Variants in RALGPS1 observed in about 807,000 individuals in gnomAD.
RALGPS1 encodes the protein ras-specific guanine nucleotide-releasing factor RalGPS1.
RALGPS1 carries 19 observed loss-of-function variants against 78.8 expected under a neutral mutation model. That is an observed-to-expected ratio of 0.24 (90% CI 0.17 to 0.35). The LOEUF (loss-of-function observed/expected upper bound fraction) is 0.35. Ranked by LOEUF, RALGPS1 falls within the 10% of genes least tolerant of loss-of-function variation. The probability of loss-of-function intolerance (pLI) is 1.00; values close to 1 mark genes in which losing one functional copy is unlikely to be tolerated. For synonymous variants in RALGPS1, 228 were observed against 256.3 expected (o/e 0.89, Z 1.06); for missense variants, 454 against 688.3 (o/e 0.66, Z 3.81).
At chr9:127,145,684 G>A (rs959838033) in intron 8 of RALGPS1, among the ~76,000 whole-genome samples, 2 of 152,182 alleles carry the variant, frequency 1.3e-5, no homozygotes, top group Non-Finnish European at 2.9e-5. Context: ...TAGAGGTAGA[G>A]CCCCAGAAGA....
chr9:126,989,930 A>G, intron 4 of RALGPS1: 1 of 1,550,530 alleles, frequency 6.4e-7, no homozygotes, highest in Non-Finnish European at 8.7e-7. Context: ...TCCCTGCAGA[A>G]GTCCACAGTT....
intron 8 of RALGPS1, chr9:127,108,221 G>C: frequency 3.7e-6 from 6 of 1,614,112 alleles, no homozygotes; most frequent in Non-Finnish European, 5.1e-6. Context: ...CTGGCCAGCT[G>C]CAGCATGTCG....
At chr9:126,940,403 C>G (rs1010091961) in intron 1 of RALGPS1, among the ~76,000 whole-genome samples, 1 of 151,768 alleles carries the variant, frequency 6.6e-6, no homozygotes, top group Non-Finnish European at 1.5e-5. Flanking sequence ...TACTTTTCTT[C>G]AGTCCCTGTC....
chr9:127,057,517 A>G (rs1418541235), intron 7 of RALGPS1, among the ~76,000 whole-genome samples: 1 of 152,224 alleles, frequency 6.6e-6, no homozygotes, highest in Non-Finnish European at 1.5e-5. Context: ...GACACTGAAC[A>G]TAGGCCTGTA....
intron 14 of RALGPS1, among the ~76,000 whole-genome samples, chr9:127,204,255 C>T (rs939299822): frequency 6.6e-6 from 1 of 152,148 alleles, no homozygotes; most frequent in Non-Finnish European, 1.5e-5. Context: ...CAGCCTTGAT[C>T]TCCCAGGCTC....
chr9:127,144,477 G>C (rs1259153771), intron 8 of RALGPS1, among the ~76,000 whole-genome samples: 2 of 152,190 alleles, frequency 1.3e-5, no homozygotes, highest in Non-Finnish European at 1.5e-5. Flanking sequence ...AAATCATGTA[G>C]TGTGACCCAG....
rs746115852 is a variant in RALGPS1 at position 127,220,076 on chromosome 9, A to C, written c.*1307A>C. The C allele has an allele frequency of 6.6e-6, 1 of 152,656 alleles. No homozygotes were observed. Among genetic ancestry groups the C allele is most frequent in the Non-Finnish European group, 1.5e-5 (1 of 68,050 alleles). The allele number at this position is 152,656 out of a possible 1,614,324, so 9.5% of individuals were successfully genotyped here. On this transcript the variant is annotated 3_prime_UTR_variant, in exon 19 of 19. Coordinates refer to ENST00000259351, the MANE Select transcript of RALGPS1 (RefSeq NM_014636.3). ...AAGTGACTTTTATTTTGCACAAATA[A>C]TTTTTATTCAGAATAATAAATCACT...
chr9:127,200,916 G>A (rs2061597248), intron 14 of RALGPS1, among the ~76,000 whole-genome samples: 1 of 152,244 alleles, frequency 6.6e-6, no homozygotes, highest in Non-Finnish European at 1.5e-5. Context: ...TTCATTGATT[G>A]ATTCATTCTT....
At chr9:126,967,262 C>A (rs967442058) in intron 3 of RALGPS1, among the ~76,000 whole-genome samples, 1 of 152,178 alleles carries the variant, frequency 6.6e-6, no homozygotes, top group Admixed American at 6.5e-5. Flanking sequence ...CCTCCTGAGG[C>A]CTCCAGTACT....
intron 4 of RALGPS1, among the ~76,000 whole-genome samples, chr9:126,986,703 G>A (rs1053520773): frequency 6.6e-6 from 1 of 152,190 alleles, no homozygotes; most frequent in African/African-American, 2.4e-5. Context: ...AGAATGTGCT[G>A]AAAATGGGCA....
intron 5 of RALGPS1, among the ~76,000 whole-genome samples, chr9:127,046,417 A>G (rs1453173045): frequency 6.6e-6 from 1 of 152,130 alleles, no homozygotes; most frequent in African/African-American, 2.4e-5. Context: ...CTGTGTTTCT[A>G]TATTTCTGTA....
chr9:126,925,484 G>A (rs1256432807), intron 1 of RALGPS1, among the ~76,000 whole-genome samples: 1 of 151,964 alleles, frequency 6.6e-6, no homozygotes, highest in Admixed American at 6.6e-5. Context: ...GGGGGCAGAG[G>A]TTGCAGTGAG....
chr9:127,097,960 A>G (rs569637172), intron 8 of RALGPS1, among the ~76,000 whole-genome samples: 1 of 152,346 alleles, frequency 6.6e-6, no homozygotes, highest in East Asian at 1.9e-4. Flanking sequence ...CATGAACCCA[A>G]GAGCGGCCAG....
chr9:127,000,529 C>T (rs111405563), intron 4 of RALGPS1, among the ~76,000 whole-genome samples: 19,472 of 72,384 alleles, frequency 0.27, 2,107 homozygotes, highest in Non-Finnish European at 0.32. Flanking sequence ...GATTTCTTGT[C>T]TTGTCTTTTT....
chr9:127,091,865 A>G lies in RALGPS1; in HGVS notation c.610+22509A>G, dbSNP rs774533911. On this transcript the variant is annotated intron_variant, in intron 8 of 18. Coordinates refer to ENST00000259351, the MANE Select transcript of RALGPS1 (RefSeq NM_014636.3). This position sits in a 1 kb window ranked among gnomAD's most constrained non-coding sequence, Gnocchi z 4.3. ...TCCTCCATGGTCACCAGGAGTTTGT[A>G]GTTGCCTTGGTTCGTCAGCCAGTAA... 1 of 1,614,134 alleles carries G rather than the reference A, an allele frequency of 6.2e-7. No homozygotes were observed. Among genetic ancestry groups the G allele is most frequent in the Non-Finnish European group, 8.5e-7 (1 of 1,180,016 alleles).
At chr9:127,123,149 C>T (rs2056319342) in intron 8 of RALGPS1, among the ~76,000 whole-genome samples, 1 of 152,368 alleles carries the variant, frequency 6.6e-6, no homozygotes, top group Admixed American at 6.5e-5. Context: ...CCCCATCAGC[C>T]GCCCTTCGTG....
intron 8 of RALGPS1, among the ~76,000 whole-genome samples, chr9:127,120,970 A>G (rs528288658): frequency 6.3e-4 from 92 of 146,872 alleles, no homozygotes; most frequent in Non-Finnish European, 1.1e-3. Context: ...CTTCCTAGGC[A>G]TGGGCGCCTA....
intron 4 of RALGPS1, among the ~76,000 whole-genome samples, chr9:126,987,938 T>C (rs2041953441): frequency 6.6e-6 from 1 of 152,040 alleles, no homozygotes; most frequent in Non-Finnish European, 1.5e-5. Context: ...GCAAGGAGCA[T>C]GTCCCACAGA....
intron 4 of RALGPS1, among the ~76,000 whole-genome samples, chr9:126,978,918 G>C (rs953833455): frequency 6.6e-6 from 1 of 152,186 alleles, no homozygotes; most frequent in Non-Finnish European, 1.5e-5. Context: ...AAGGCCAAGA[G>C]TATGTGGTCA....
Sources: allele counts gnomAD v4.1 joint callset (sites outside exome capture counted in the v4.1 genomes callset), GRCh38; gene constraint gnomAD v4.1.1; non-coding constraint Gnocchi (gnomAD v3.1); transcripts MANE v1.5; gene names NCBI Gene and HGNC (gene_info 2026-07-23, HGNC 2026-07-21).